The following SLC6A20 variants were observed in gnomAD, a reference collection of about 807,000 sequenced individuals.
SLC6A20 encodes the protein sodium- and chloride-dependent transporter XTRP3.
SLC6A20 carries 73 observed loss-of-function variants against 64.3 expected under a neutral mutation model. The observed-to-expected ratio is 1.14, with a 90% CI of 0.94 to 1.38. The LOEUF (loss-of-function observed/expected upper bound fraction) is 1.38, where lower values mean the gene tolerates loss of function less well. Among genes scored for constraint, SLC6A20 ranks in the 40% most tolerant of loss-of-function variants. SLC6A20 has a pLI of 0.00. For synonymous variants in SLC6A20, 347 were observed against 329.6 expected (o/e 1.05, Z -0.57); for missense variants, 725 against 772.8 (o/e 0.94, Z 0.73).
intron 7 of SLC6A20, among the ~76,000 whole-genome samples, chr3:45,769,587 T>C (rs1449342131): frequency 6.6e-6 from 1 of 151,768 alleles, no homozygotes; most frequent in Non-Finnish European, 1.5e-5. Flanking sequence ...GTTCCACATG[T>C]ATTATTATGG....
intron 8 of SLC6A20, among the ~76,000 whole-genome samples, 164 bp from the exon 9 acceptor site, chr3:45,763,236 G>A (rs901922848): frequency 2.0e-5 from 3 of 152,206 alleles, no homozygotes; most frequent in Non-Finnish European, 4.4e-5. Context: ...CTGAAGGTGT[G>A]TGCCACGTGT....
At chr3:45,762,269 A>T (rs1188480390) in intron 9 of SLC6A20, among the ~76,000 whole-genome samples, 1 of 152,198 alleles carries the variant, frequency 6.6e-6, no homozygotes, top group Non-Finnish European at 1.5e-5. Flanking sequence ...TGCCAGACTC[A>T]TCTGGGAACC....
intron 9 of SLC6A20, 82 bp downstream of exon 9, chr3:45,762,831 A>G (rs1699706644): frequency 7.7e-6 from 12 of 1,554,954 alleles, no homozygotes; most frequent in African/African-American, 6.8e-5. Flanking sequence ...GATGTGCATC[A>G]AGAAACAGCT....
At position 45,758,310 on chromosome 3, in the gene SLC6A20, T is replaced by C. The variant is rs1456092721; in HGVS notation, c.*668A>G. Reference sequence around the variant, plus strand: ...ACGGAGGGATGTCTGCACAGACTTCTAATGTGGTTTGGGGTTGCAAACTGT... The same window carrying C: ...ACGGAGGGATGTCTGCACAGACTTCCAATGTGGTTTGGGGTTGCAAACTGT... On this transcript the variant is annotated 3_prime_UTR_variant, in exon 11 of 11. Coordinates refer to ENST00000358525, the MANE Select transcript of SLC6A20 (RefSeq NM_020208.4). 1 of 583,834 alleles carries C rather than the reference T, an allele frequency of 1.7e-6. No individual in the cohort carries two copies. Among genetic ancestry groups the C allele is most frequent in the Admixed American group, 3.1e-5 (1 of 32,328 alleles). 36.2% of individuals were successfully genotyped at this position (583,834 alleles called of 1,614,324 possible). A position where few individuals can be genotyped will look rare whatever the true frequency, so the allele number is the denominator to read the frequency against.
Position 45,755,702 on chromosome 3 carries a change from T to TA in SLC6A20, c.*3275dup, listed in dbSNP as rs972303589. On this transcript the variant is annotated 3_prime_UTR_variant, in exon 11 of 11. Transcript: ENST00000358525. ...GACATGGCCACTTTTGTGCAGTATC[T>TA]AGGAAATGGCAAAGAACATTTTTTG... 2.6e-5 allele frequency: 4 copies of TA among 152,616 alleles called. No individual in the cohort carries two copies. The highest frequency in any genetic ancestry group is 4.4e-5 in the Non-Finnish European group (3 of 68,046). The allele number at this position is 152,616 out of a possible 1,614,324, so 9.5% of individuals were successfully genotyped here.
At chr3:45,780,160 C>G (rs1409624578) in intron 2 of SLC6A20, 60 bp from the exon 3 acceptor site, 2 of 1,504,680 alleles carry the variant, frequency 1.3e-6, no homozygotes, top group South Asian at 2.4e-5. Flanking sequence ...CTCCGCCAGG[C>G]CCAGCGTGTG....
At chr3:45,775,379 T>C (rs1035173545) in intron 4 of SLC6A20, among the ~76,000 whole-genome samples, 5 of 151,988 alleles carry the variant, frequency 3.3e-5, no homozygotes, top group Non-Finnish European at 7.4e-5. Flanking sequence ...AAAATACCAA[T>C]GTGCAGCTGA....
In SLC6A20 at chr3:45,775,848, A is replaced by T. The variant is rs201304498; in HGVS notation, c.495T>A (p.Gly165=). 6.2e-7 allele frequency: 1 copy of T among 1,613,656 alleles called. No individual in the cohort carries two copies. Among genetic ancestry groups the T allele is most frequent in the East Asian group, 2.2e-5 (1 of 44,844 alleles). ...NISPSLQENG[G]VQWEPALCLL... ...GGCACAGCGCCGGCTCCCACTGCAC[A>T]CCCCCGTTCTCCTGGAGGGACGGCG... The change falls in exon 4 of 11, where the codon GGT becomes GGA. Residue 165 remains glycine, a synonymous_variant. Coordinates refer to ENST00000358525, the MANE Select transcript of SLC6A20 (RefSeq NM_020208.4).
At chr3:45,787,681 T>C (rs950401314) in intron 1 of SLC6A20, among the ~76,000 whole-genome samples, 2 of 152,142 alleles carry the variant, frequency 1.3e-5, no homozygotes, top group Admixed American at 6.5e-5. Context: ...CAAGCCCCTG[T>C]TGTTGAGGCA....
chr3:45,769,530 A>G (rs1450011529), intron 7 of SLC6A20, among the ~76,000 whole-genome samples: 1 of 129,264 alleles, frequency 7.7e-6, no homozygotes, highest in Non-Finnish European at 1.8e-5. Flanking sequence ...AAATTGCAGT[A>G]TTGTTGTGTG....
chr3:45,771,292 G>T lies in SLC6A20; in HGVS notation c.860C>A (p.Ser287Tyr), dbSNP rs552039860. The T allele has an allele frequency of 3.1e-6, 5 of 1,614,246 alleles. No individual in the cohort carries two copies. The East Asian group carries it at 8.9e-5, about 29-fold the overall frequency. The change falls in exon 6 of 11, where the codon TCC becomes TAC. Residue 287 changes from serine to tyrosine, a missense_variant. By Grantham distance (144) the Ser-to-Tyr change is moderately radical. Transcript: ENST00000358525. ...GAAGGTGACAATGCTGGCAAATATG[G>T]AGGTGAAGCTGTTGATGAGGGACAC... The part of the protein sequence containing the change: ...IIVSLINSFT[S>Y]IFASIVTFSI...
rs1235187331 is a variant in SLC6A20, at chr3:45,765,263, C to A, written c.1303+274G>T. On this transcript the variant is annotated intron_variant, in intron 8 of 10. Transcript: ENST00000358525. This position sits in a 1 kb window ranked among gnomAD's most constrained non-coding sequence, Gnocchi z 4.2. ...AAATGAACAGAAACAAAATCGAGTT[C>A]TCTCCTAGCCTGGAGAACTTTGAAT... Among the ~76,000 whole-genome samples the A allele has an allele frequency of 6.6e-6, 1 of 152,160 alleles. No individual in the cohort carries two copies. The highest frequency in any genetic ancestry group is 2.4e-5 in the African/African-American group (1 of 41,432).
chr3:45,786,396 T>C (rs1349542175), intron 1 of SLC6A20, among the ~76,000 whole-genome samples: 1 of 152,232 alleles, frequency 6.6e-6, no homozygotes, highest in Non-Finnish European at 1.5e-5. Flanking sequence ...TTTTTGCCTT[T>C]CTTTGTCTTT....
intron 9 of SLC6A20, among the ~76,000 whole-genome samples, chr3:45,761,707 G>A (rs936225532): frequency 1.3e-5 from 2 of 152,156 alleles, no homozygotes; most frequent in African/African-American, 2.4e-5. Flanking sequence ...GGTGGGAGTC[G>A]GGTGAGAGGA....
intron 4 of SLC6A20, among the ~76,000 whole-genome samples, chr3:45,773,774 C>T (rs1487414705): frequency 6.6e-6 from 1 of 152,190 alleles, no homozygotes; most frequent in Non-Finnish European, 1.5e-5. Context: ...TGTACGCTGT[C>T]ACCCAGGGGA....
Position 45,758,854 on chromosome 3 carries a change from T to C in SLC6A20, c.*124A>G. Reference sequence around the variant, plus strand: ...TTCTTCCTGCACACCTTCCTCATCTTCTTTAGACACTCAGGAAGTTGATGG... The same window carrying C: ...TTCTTCCTGCACACCTTCCTCATCTCCTTTAGACACTCAGGAAGTTGATGG... On this transcript the variant is annotated 3_prime_UTR_variant, in exon 11 of 11. Transcript: ENST00000358525. 7.1e-7 allele frequency: 1 copy of C among 1,398,734 alleles called. No individual in the cohort carries two copies. Among genetic ancestry groups the C allele is most frequent in the Admixed American group, 3.2e-5 (1 of 31,670 alleles). The allele number at this position is 1,398,734 out of a possible 1,614,324, so 86.6% of individuals were successfully genotyped here. A position where few individuals can be genotyped will look rare whatever the true frequency, so the allele number is the denominator to read the frequency against.
intron 3 of SLC6A20, among the ~76,000 whole-genome samples, chr3:45,779,102 G>A (rs1346188020): frequency 6.6e-6 from 1 of 152,214 alleles, no homozygotes; most frequent in Non-Finnish European, 1.5e-5. Flanking sequence ...TCTTGCTTGC[G>A]GACCTTGGGG....
chr3:45,788,271 T>C (rs879631431), intron 1 of SLC6A20, among the ~76,000 whole-genome samples: 6 of 133,474 alleles, frequency 4.5e-5, no homozygotes, highest in Admixed American at 1.5e-4. Context: ...AAAAAAAAAA[T>C]GATAAAAAAG....
Position 45,762,951 on chromosome 3 carries a change from C to T in SLC6A20, c.1425G>A (p.Val475=). ...ACACGTAGCACACGGCAATCGTCTC[C>T]ACCAGCACGATGAGCAGCAGGGACA... ...ATLSLLLIVL[V]ETIAVCYVYG... is the part of the protein sequence containing the mutation. The change falls in exon 9 of 11, where the codon GTG becomes GTA. Residue 475 remains valine, a synonymous_variant. Coordinates refer to ENST00000358525, the MANE Select transcript of SLC6A20 (RefSeq NM_020208.4). 6.2e-7 allele frequency: 1 copy of T among 1,614,138 alleles called. No homozygotes were observed.
Sources: gnomAD v4.1 joint callset for allele counts (sites outside exome capture counted in the v4.1 genomes callset) on GRCh38, gnomAD v4.1.1 for gene constraint, Gnocchi (gnomAD v3.1) non-coding constraint, MANE v1.5 for transcripts, NCBI Gene and HGNC (gene_info 2026-07-23, HGNC 2026-07-21) for gene names.